Variants in DENND2A observed in about 807,000 individuals in gnomAD.
DENND2A encodes DENN domain-containing protein 2A.
DENND2A carries 53 observed loss-of-function variants against 105.3 expected under a neutral mutation model. The ratio of observed to expected loss-of-function variants is 0.50; its 90% confidence interval spans 0.40 to 0.63. The LOEUF is 0.63. DENND2A is among the 30% of genes least tolerant of loss of function. The pLI, the probability that DENND2A is intolerant of heterozygous loss-of-function variation, is 0.00. For missense variants in DENND2A, 1,138 were observed against 1,279.6 expected, an observed-to-expected ratio of 0.89 and a Z score of 1.69; for synonymous variants, 522 against 508.4, an observed-to-expected ratio of 1.03 and a Z score of -0.36.
chr7:140,541,774 A>G (rs958344106), intron 14 of DENND2A, among the ~76,000 whole-genome samples: 4 of 152,204 alleles, frequency 2.6e-5, no homozygotes, highest in African/African-American at 9.6e-5. Flanking sequence ...CACCGGGAGT[A>G]CGATCACGCT....
Position 140,560,230 on chromosome 7 carries a change from A to G in DENND2A, c.1780-413T>C, listed in dbSNP as rs141105675. Reference sequence around the variant, plus strand: ...AACTCCAGGCAAAGACTGTTACAACATTCTCAGTGAATAAATCCAGTAAAA... The same window carrying G: ...AACTCCAGGCAAAGACTGTTACAACGTTCTCAGTGAATAAATCCAGTAAAA... On this transcript the variant is annotated intron_variant, in intron 9 of 19. Coordinates refer to ENST00000496613, the MANE Select transcript of DENND2A (RefSeq NM_015689.5). 2.3e-3 allele frequency among the ~76,000 whole-genome samples: 355 copies of G among 152,300 alleles called. 2 individuals are homozygous for G. Among genetic ancestry groups the G allele is most frequent in the African/African-American group, 8.2e-3 (342 of 41,564 alleles).
intron 1 of DENND2A, among the ~76,000 whole-genome samples, chr7:140,623,677 G>A (rs1194236872): frequency 3.4e-5 from 5 of 147,916 alleles, no homozygotes; most frequent in African/African-American, 1.3e-4. Context: ...GCAGTGAGCC[G>A]AGATCATGCC....
chr7:140,538,655 C>T (rs569269948), intron 14 of DENND2A, among the ~76,000 whole-genome samples: 97 of 146,270 alleles, frequency 6.6e-4, no homozygotes, highest in African/African-American at 2.4e-3. Flanking sequence ...TACAGGCGCC[C>T]GCCACCATGC....
chr7:140,589,706 C>A (rs61369053), intron 3 of DENND2A, among the ~76,000 whole-genome samples: 1 of 152,104 alleles, frequency 6.6e-6, no homozygotes, highest in Non-Finnish European at 1.5e-5. Flanking sequence ...CACAGCTCAC[C>A]GCACCTCAAA....
intron 1 of DENND2A, among the ~76,000 whole-genome samples, chr7:140,626,139 C>T (rs1800516072): frequency 6.6e-6 from 1 of 152,210 alleles, no homozygotes; most frequent in Non-Finnish European, 1.5e-5. Flanking sequence ...TACAGGTCCA[C>T]CTTGACGGCA....
intron 12 of DENND2A, 26 bp downstream of exon 12, chr7:140,555,608 CCT>C (rs1279981036): frequency 1.2e-6 from 2 of 1,609,514 alleles, no homozygotes; most frequent in Non-Finnish European, 1.7e-6. Context: ...TCCTTCCCTT[CCT>C]CTTTCTCTGA....
intron 18 of DENND2A, among the ~76,000 whole-genome samples, chr7:140,520,348 G>T (rs1456751845): frequency 6.6e-6 from 1 of 152,006 alleles, no homozygotes; most frequent in Non-Finnish European, 1.5e-5. Context: ...CCTGGCTTGG[G>T]AGGGGTGTCT....
chr7:140,582,227 A>C (rs1411089099), intron 5 of DENND2A, among the ~76,000 whole-genome samples: 1 of 151,984 alleles, frequency 6.6e-6, no homozygotes, highest in Non-Finnish European at 1.5e-5. Context: ...GGCCTCCCAA[A>C]GTGCTAGGAT....
Position 140,601,506 on chromosome 7 carries a change from G to C in DENND2A, c.892C>G (p.Pro298Ala). Residue 298 changes from proline (P) to alanine (A), a missense_variant, in exon 3 of 20, where the codon CCT becomes GCT. By Grantham distance (27) the Pro-to-Ala change is conservative (BLOSUM62 -1). This residue lies in a region of DENND2A where 511 missense variants were observed against 499.9 expected (regional missense o/e 1.02). Transcript: ENST00000496613. ...GFRKEKRNLP[P>A]LPSLPPPPLP... Reference sequence around the variant, plus strand: ...GGCGGGGGAGGTAGAGAGGGCAGAGGAGGCAGATTTCTTTTCTCTTTCCTG... The same window carrying C: ...GGCGGGGGAGGTAGAGAGGGCAGAGCAGGCAGATTTCTTTTCTCTTTCCTG... The C allele has an allele frequency of 6.2e-7, 1 of 1,614,148 alleles. No individual in the cohort carries two copies. Among genetic ancestry groups the C allele is most frequent in the Non-Finnish European group, 8.5e-7 (1 of 1,180,024 alleles).
At chr7:140,531,085 T>C (rs975797569) in intron 14 of DENND2A, among the ~76,000 whole-genome samples, 1 of 152,236 alleles carries the variant, frequency 6.6e-6, no homozygotes, top group Non-Finnish European at 1.5e-5. Flanking sequence ...AAAGCAGAGA[T>C]ACCTTTCCCT....
rs549730395 is a variant in DENND2A at position 140,583,673 on chromosome 7, C to T, written c.1245+1916G>A. Among the ~76,000 whole-genome samples the T allele has an allele frequency of 1.5e-4, 22 of 150,002 alleles. 1 individual carries two copies. In the East Asian group the frequency reaches 2.3e-3, roughly 16 times the overall value. ...CGCCGGGCGCGGTGGCTCACGCCTG[C>T]AACCCCAGCACTTTGGGAGGCCAAG... On this transcript the variant is annotated intron_variant, in intron 5 of 19. Transcript: ENST00000496613.
intron 9 of DENND2A, among the ~76,000 whole-genome samples, chr7:140,566,638 T>C (rs1797845526): frequency 6.7e-6 from 1 of 150,228 alleles, no homozygotes; most frequent in African/African-American, 2.5e-5. Context: ...GATGGCACGG[T>C]CAGCACAGGG....
At chr7:140,634,160 G>A (rs1434749763) in intron 1 of DENND2A, among the ~76,000 whole-genome samples, 9 of 151,858 alleles carry the variant, frequency 5.9e-5, no homozygotes, top group Admixed American at 5.9e-4. Context: ...CACCACGCCC[G>A]GCTAATTTTT....
At chr7:140,638,268 G>A (rs559778831) in intron 1 of DENND2A, among the ~76,000 whole-genome samples, 2 of 152,152 alleles carry the variant, frequency 1.3e-5, no homozygotes, top group African/African-American at 2.4e-5. Flanking sequence ...AGCCAAATGC[G>A]TTATCCAAGT....
chr7:140,567,306 G>A (rs1000877777), intron 8 of DENND2A, 33 bp from the exon 9 acceptor site: 7 of 466,604 alleles, frequency 1.5e-5, no homozygotes, highest in Admixed American at 7.5e-5. Flanking sequence ...AAGAGAGAAA[G>A]AGAGAGAGAG....
chr7:140,575,086 C>T (rs1431980209), intron 5 of DENND2A, among the ~76,000 whole-genome samples: 7 of 151,980 alleles, frequency 4.6e-5, no homozygotes, highest in South Asian at 4.2e-4. Flanking sequence ...AACCCATAGA[C>T]GATAACTCAC....
At chr7:140,540,909 G>T (rs1563126646) in intron 14 of DENND2A, among the ~76,000 whole-genome samples, 1 of 152,064 alleles carries the variant, frequency 6.6e-6, no homozygotes, top group Non-Finnish European at 1.5e-5. Context: ...GTAGAGACGG[G>T]ATTTCACCAT....
At chr7:140,560,719 GT>G (rs1306848181) in intron 9 of DENND2A, among the ~76,000 whole-genome samples, 1 of 151,958 alleles carries the variant, frequency 6.6e-6, no homozygotes, top group African/African-American at 2.4e-5. Flanking sequence ...ATCACCTGGG[GT>G]CAGGAGTTTG....
intron 1 of DENND2A, among the ~76,000 whole-genome samples, chr7:140,608,721 A>G (rs1338493303): frequency 1.3e-5 from 2 of 152,034 alleles, no homozygotes; most frequent in African/African-American, 4.8e-5. Context: ...ACCCAGCCGA[A>G]TTTGCTAGTT....
Sources: gnomAD v4.1 joint callset for allele counts (sites outside exome capture counted in the v4.1 genomes callset) on GRCh38, gnomAD v4.1.1 for gene constraint, gnomAD v4.1.1 regional missense constraint, MANE v1.5 for transcripts, NCBI Gene and HGNC (gene_info 2026-07-23, HGNC 2026-07-21) for gene names.